PPP1R12B: variants seen among roughly 807,000 people sequenced by gnomAD.
The protein encoded by PPP1R12B is myosin phosphatase target subunit 2.
In PPP1R12B, 76 loss-of-function variants were observed where a neutral mutation model predicts 126.1. The observed-to-expected ratio is 0.60, with a 90% confidence interval of 0.50 to 0.73. The LOEUF is 0.73. Among genes scored for constraint, PPP1R12B ranks in the 30% least tolerant of loss-of-function variants. The probability of loss-of-function intolerance (pLI) is 0.00; values close to 1 mark genes in which losing one functional copy is unlikely to be tolerated. For missense variants in PPP1R12B, 1,052 were observed against 1,205.1 expected (o/e 0.87, Z 1.88); for synonymous variants, 356 against 434.7 (o/e 0.82, Z 2.25).
Position 202,580,713 on chromosome 1 carries a change from C to T in PPP1R12B, c.*153C>T, listed in dbSNP as rs149517242. ...TCTTCAGTCACCTCTATACACTCTA[C>T]ATTTTCTCTGCACTTTCAATGCCCT... is the stretch of plus-strand genomic sequence containing the variant. On this transcript the variant is annotated 3_prime_UTR_variant, in exon 24 of 24. Coordinates refer to ENST00000608999, the MANE Select transcript of PPP1R12B (RefSeq NM_002481.4). 364 of 623,094 alleles carry T rather than the reference C, an allele frequency of 5.8e-4. 2 individuals are homozygous for T. In the African/African-American group the frequency reaches 6.0e-3, roughly 10 times the overall value. The allele number at this position is 623,094 out of a possible 1,614,324, so 38.6% of individuals were successfully genotyped here. A position where few individuals can be genotyped will look rare whatever the true frequency, so the allele number is the denominator to read the frequency against.
chr1:202,522,438 A>G (rs1031961698), intron 18 of PPP1R12B, among the ~76,000 whole-genome samples: 1 of 152,062 alleles, frequency 6.6e-6, no homozygotes, highest in African/African-American at 2.4e-5. Context: ...GGTATCCAGT[A>G]TAGTAATAGA....
At chr1:202,562,259 C>G (rs1687605006) in intron 19 of PPP1R12B, among the ~76,000 whole-genome samples, 1 of 152,186 alleles carries the variant, frequency 6.6e-6, no homozygotes, top group Admixed American at 6.5e-5. Flanking sequence ...GTGTTGGTAT[C>G]CCTAAAATGT....
At chr1:202,511,198 A>G (rs1681453377) in intron 18 of PPP1R12B, among the ~76,000 whole-genome samples, 1 of 150,718 alleles carries the variant, frequency 6.6e-6, no homozygotes, top group East Asian at 1.9e-4. Context: ...TCATGCAAGC[A>G]GTGTACACTG....
chr1:202,438,600 C>T (rs538744404), intron 10 of PPP1R12B: 18 of 481,110 alleles, frequency 3.7e-5, no homozygotes, highest in Admixed American at 5.4e-5. Context: ...TAGAGTTCCT[C>T]GCTGCCATGG....
intron 13 of PPP1R12B, among the ~76,000 whole-genome samples, chr1:202,477,441 G>T (rs1394409156): frequency 1.3e-5 from 2 of 151,982 alleles, no homozygotes; most frequent in East Asian, 3.8e-4. Context: ...TTTATGCCAG[G>T]GTACTTTATC....
chr1:202,509,344 G>A (rs983756451), intron 18 of PPP1R12B, among the ~76,000 whole-genome samples: 14 of 152,194 alleles, frequency 9.2e-5, no homozygotes, highest in Non-Finnish European at 1.6e-4. Context: ...AGAAAGTGAA[G>A]GAGAGAGGGG....
At chr1:202,494,136 G>T (rs1005498243) in intron 15 of PPP1R12B, among the ~76,000 whole-genome samples, 1 of 152,190 alleles carries the variant, frequency 6.6e-6, no homozygotes, top group African/African-American at 2.4e-5. Flanking sequence ...TAGAAGAAAG[G>T]TATCTCCTTC....
intron 1 of PPP1R12B, among the ~76,000 whole-genome samples, chr1:202,394,493 G>T (rs1406310337): frequency 6.6e-6 from 1 of 152,014 alleles, no homozygotes; most frequent in Non-Finnish European, 1.5e-5. Context: ...AGTGGCTCAC[G>T]CCTGTAATCC....
intron 17 of PPP1R12B, among the ~76,000 whole-genome samples, chr1:202,496,218 A>G (rs1679537559): frequency 1.3e-5 from 2 of 152,240 alleles, no homozygotes; most frequent in African/African-American, 4.8e-5. Context: ...ATAAAGACAG[A>G]TATGCCAATG....
intron 13 of PPP1R12B, among the ~76,000 whole-genome samples, chr1:202,451,788 C>T (rs910869512): frequency 2.3e-4 from 34 of 149,790 alleles, no homozygotes; most frequent in Admixed American, 4.6e-4. Context: ...GGGCGGCTGG[C>T]AGGGTGGGGG....
rs1346342663 is a variant in PPP1R12B, at chr1:202,565,289, A to G, written c.2757+742A>G. On this transcript the variant is annotated intron_variant, in intron 21 of 23. Coordinates refer to ENST00000608999, the MANE Select transcript of PPP1R12B (RefSeq NM_002481.4). The surrounding 1 kb of genome is among the most constrained non-coding windows in gnomAD (Gnocchi z 4.3). ...TTATTGCTGAGTTATCAGGAAACCT[A>G]TTGAGTTATTTCCCTCCTAGAATGC... Among the ~76,000 whole-genome samples the G allele has an allele frequency of 6.6e-6, 1 of 152,232 alleles. No homozygotes were observed. Among genetic ancestry groups the G allele is most frequent in the Non-Finnish European group, 1.5e-5 (1 of 68,042 alleles).
At position 202,427,069 on chromosome 1, in the gene PPP1R12B, A is replaced by T; in HGVS notation, c.731A>T (p.Asn244Ile). Residue 244 changes from asparagine (N) to isoleucine (I), a missense_variant, in exon 5 of 24, where the codon AAT (asparagine) becomes ATT (isoleucine). Asn to Ile is a moderately radical substitution (Grantham distance 149). Coordinates refer to ENST00000608999, the MANE Select transcript of PPP1R12B (RefSeq NM_002481.4). ...TTAATTCAGGCTGGCTATGAACTCA[A>T]TGTTCAGGATTATGATGGCTGGACT... ...RLLIQAGYEL[N>I]VQDYDGWTPL... 2 of 1,613,728 alleles carry T rather than the reference A, an allele frequency of 1.2e-6. No homozygotes were observed. Among genetic ancestry groups the T allele is most frequent in the Non-Finnish European group, 1.7e-6 (2 of 1,179,950 alleles).
At chr1:202,497,099 T>C (rs1679654984) in intron 18 of PPP1R12B, among the ~76,000 whole-genome samples, 1 of 152,238 alleles carries the variant, frequency 6.6e-6, no homozygotes. Flanking sequence ...CTCTCTTGTA[T>C]GTTATTGGAT....
chr1:202,356,777 C>G (rs1464706322), intron 1 of PPP1R12B, among the ~76,000 whole-genome samples: 2 of 151,698 alleles, frequency 1.3e-5, no homozygotes, highest in East Asian at 3.9e-4. Flanking sequence ...GGAACCAGCC[C>G]TGCCAGCAAT....
At chr1:202,570,347 C>T (rs1688474835) in intron 23 of PPP1R12B, among the ~76,000 whole-genome samples, 1 of 151,902 alleles carries the variant, frequency 6.6e-6, no homozygotes, top group Non-Finnish European at 1.5e-5. Flanking sequence ...TTATAGTTTA[C>T]ACCAGATCTG....
At chr1:202,438,053 C>T (rs771964583) in intron 10 of PPP1R12B, 29 bp downstream of exon 10, 1 of 1,605,570 alleles carries the variant, frequency 6.2e-7, no homozygotes, top group Non-Finnish European at 8.5e-7. Context: ...TGGGGGAATT[C>T]CAAGGCAGTT....
intron 18 of PPP1R12B, among the ~76,000 whole-genome samples, chr1:202,515,246 G>A (rs1347060852): frequency 6.6e-6 from 1 of 152,128 alleles, no homozygotes; most frequent in Non-Finnish European, 1.5e-5. Flanking sequence ...TGTGACACAA[G>A]TTTACCTATG....
intron 18 of PPP1R12B, among the ~76,000 whole-genome samples, chr1:202,525,396 T>A (rs1430801626): frequency 6.0e-5 from 9 of 150,544 alleles, no homozygotes; most frequent in African/African-American, 2.0e-4. Flanking sequence ...AAAAAAAAAA[T>A]GTATCATGAA....
At chr1:202,392,522 T>A (rs943589487) in intron 1 of PPP1R12B, among the ~76,000 whole-genome samples, 1 of 151,704 alleles carries the variant, frequency 6.6e-6, no homozygotes, top group African/African-American at 2.4e-5. Flanking sequence ...GACTTCTTTT[T>A]TTTTTCTTTT....
Sources: allele counts gnomAD v4.1 joint callset (sites outside exome capture counted in the v4.1 genomes callset), GRCh38; gene constraint gnomAD v4.1.1; non-coding constraint Gnocchi (gnomAD v3.1); transcripts MANE v1.5; gene names NCBI Gene and HGNC (gene_info 2026-07-23, HGNC 2026-07-21).